Variants in SMYD3 observed in about 807,000 individuals in gnomAD.
The protein encoded by SMYD3 is SET and MYND domain containing 3.
In SMYD3, 36 loss-of-function variants were observed where a neutral mutation model predicts 57.7. The observed-to-expected ratio is 0.62, with a 90% CI of 0.48 to 0.82. SMYD3 has a LOEUF of 0.82. SMYD3 is among the 40% of genes least tolerant of loss of function. The pLI is 0.00. For missense variants in SMYD3, 515 were observed against 538.8 expected (o/e 0.96, Z 0.44); for synonymous variants, 211 against 195.0 (o/e 1.08, Z -0.68).
chr1:245,987,133 C>T (rs1470645066), intron 5 of SMYD3, among the ~76,000 whole-genome samples: 1 of 152,154 alleles, frequency 6.6e-6, no homozygotes, highest in Admixed American at 6.5e-5. Flanking sequence ...ATTCATGCCT[C>T]CAAACACAGC....
intron 1 of SMYD3, among the ~76,000 whole-genome samples, chr1:246,371,512 C>G (rs6664600): frequency 0.54 from 82,094 of 152,040 alleles, 22,806 homozygotes; most frequent in Middle Eastern, 0.71. Flanking sequence ...AGAAAAAAAT[C>G]TGATTTTTCC....
At chr1:246,182,519 T>A (rs574130538) in intron 5 of SMYD3, among the ~76,000 whole-genome samples, 10,713 of 152,126 alleles carry the variant, frequency 0.07, 540 homozygotes, top group African/African-American at 0.13. Flanking sequence ...CAAAGCTGGG[T>A]CCTCACCTAG....
At chr1:246,034,921 T>C (rs150417154) in intron 5 of SMYD3, among the ~76,000 whole-genome samples, 128 of 152,316 alleles carry the variant, frequency 8.4e-4, no homozygotes, top group Middle Eastern at 3.4e-3. Flanking sequence ...TTTATAAGTA[T>C]ACTTTATAAG....
rs375817241 is a variant in SMYD3 at position 246,507,193 on chromosome 1, A to G, written c.25T>C (p.Phe9Leu). 1.8e-5 allele frequency: 28 copies of G among 1,527,042 alleles called. No homozygotes were observed. Among genetic ancestry groups the G allele is most frequent in the Non-Finnish European group, 2.4e-5 (27 of 1,136,930 alleles). The allele number at this position is 1,527,042 out of a possible 1,614,324, so 94.6% of individuals were successfully genotyped here. The change falls in exon 1 of 12, where the codon TTC becomes CTC. Residue 9 changes from phenylalanine (F) to leucine (L), a missense_variant. Transcript: ENST00000490107. MEPLKVEK[F>L]ATAKRGNGLR... ...CCGTTTCCCCTCTTGGCGGTTGCGA[A>G]CTTTTCCACCTTCAGCGGCTCCATC...
intron 5 of SMYD3, among the ~76,000 whole-genome samples, chr1:245,995,794 C>T (rs752820449): frequency 6.6e-6 from 1 of 152,170 alleles, no homozygotes; most frequent in Non-Finnish European, 1.5e-5. Context: ...ACACATGCAA[C>T]TCCTGAGTCC....
intron 1 of SMYD3, among the ~76,000 whole-genome samples, chr1:246,392,233 A>C (rs2066584823): frequency 6.6e-6 from 1 of 152,206 alleles, no homozygotes; most frequent in Admixed American, 6.5e-5. Flanking sequence ...AGGAAGGACC[A>C]AGGTTGGTGA....
intron 5 of SMYD3, among the ~76,000 whole-genome samples, chr1:246,133,719 G>A (rs970085290): frequency 6.6e-6 from 1 of 152,026 alleles, no homozygotes; most frequent in African/African-American, 2.4e-5. Context: ...TTTATAAGAA[G>A]AAGGAGAAAG....
At chr1:246,009,875 T>A (rs1368678504) in intron 5 of SMYD3, among the ~76,000 whole-genome samples, 1 of 132,560 alleles carries the variant, frequency 7.5e-6, no homozygotes, top group Non-Finnish European at 1.6e-5. Context: ...AGTGGCGTGA[T>A]CTCGGCTCAC....
At chr1:246,187,140 G>A (rs541183556) in intron 5 of SMYD3, among the ~76,000 whole-genome samples, 2 of 152,208 alleles carry the variant, frequency 1.3e-5, no homozygotes, top group African/African-American at 4.8e-5. Flanking sequence ...TGTAATCCCA[G>A]CACTTTGGTG....
intron 5 of SMYD3, among the ~76,000 whole-genome samples, chr1:245,937,972 C>T (rs996434265): frequency 9.2e-5 from 14 of 152,102 alleles, no homozygotes; most frequent in African/African-American, 2.4e-4. Flanking sequence ...TCTGTTTTTC[C>T]GTCAAATTAA....
At chr1:246,045,433 A>G (rs569886801) in intron 5 of SMYD3, among the ~76,000 whole-genome samples, 295 of 152,318 alleles carry the variant, frequency 1.9e-3, no homozygotes, top group African/African-American at 6.4e-3. Context: ...AGCCATATGT[A>G]GAAAGCTGAA....
At chr1:245,816,959 G>C (rs1003368490) in intron 10 of SMYD3, among the ~76,000 whole-genome samples, 2 of 151,048 alleles carry the variant, frequency 1.3e-5, no homozygotes, top group South Asian at 2.1e-4. Context: ...AGGCGGCAGC[G>C]AGGCTGGGGG....
At chr1:246,220,933 T>G (rs1294698964) in intron 5 of SMYD3, among the ~76,000 whole-genome samples, 2 of 151,898 alleles carry the variant, frequency 1.3e-5, no homozygotes, top group Admixed American at 1.3e-4. Context: ...GAGATGGTAC[T>G]ACCAGCTGCA....
At chr1:246,352,136 C>CAAAAAAAAAAAAA (rs10581690) in intron 2 of SMYD3, among the ~76,000 whole-genome samples, 5 of 60,478 alleles carry the variant, frequency 8.3e-5, no homozygotes, top group Non-Finnish European at 1.5e-4. Flanking sequence ...GACTCTGTCT[C>CAAAAAAAAAAAAA]AAAAAAAAAA....
intron 5 of SMYD3, among the ~76,000 whole-genome samples, chr1:245,969,155 A>T (rs914107075): frequency 2.0e-5 from 3 of 152,252 alleles, no homozygotes; most frequent in Non-Finnish European, 2.9e-5. Flanking sequence ...AAAAGAAAAT[A>T]ACTTTGCTAG....
chr1:246,417,318 C>T (rs2067077875), intron 1 of SMYD3: 1 of 152,208 alleles, frequency 6.6e-6, no homozygotes. Context: ...AAAGCCAATA[C>T]ACGGAGAACA....
At chr1:246,419,862 C>T (rs1161126720) in intron 1 of SMYD3, among the ~76,000 whole-genome samples, 1 of 152,226 alleles carries the variant, frequency 6.6e-6, no homozygotes, top group East Asian at 1.9e-4. Flanking sequence ...CAAAACCAGT[C>T]CCTGGTGCCA....
chr1:246,166,684 C>T (rs1363356731), intron 5 of SMYD3, among the ~76,000 whole-genome samples: 2 of 152,198 alleles, frequency 1.3e-5, no homozygotes, highest in Non-Finnish European at 2.9e-5. Flanking sequence ...GTTTAACTTG[C>T]TATTGGCCCA....
intron 1 of SMYD3, among the ~76,000 whole-genome samples, chr1:246,390,473 G>A (rs1193842676): frequency 6.6e-6 from 1 of 151,988 alleles, no homozygotes; most frequent in Non-Finnish European, 1.5e-5. Flanking sequence ...TACTTCACTA[G>A]ATTAAGTAAC....
Sources: allele counts gnomAD v4.1 joint callset (sites outside exome capture counted in the v4.1 genomes callset), GRCh38; gene constraint gnomAD v4.1.1; transcripts MANE v1.5; gene names NCBI Gene and HGNC (gene_info 2026-07-23, HGNC 2026-07-21).